The following SPOCK3 variants were observed in gnomAD, a reference collection of about 807,000 sequenced individuals.
SPOCK3 encodes testican-3.
SPOCK3 carries 30 observed loss-of-function variants against 56.6 expected under a neutral mutation model. The ratio of observed to expected loss-of-function variants is 0.53; its 90% CI spans 0.40 to 0.72. The LOEUF (loss-of-function observed/expected upper bound fraction) is 0.72. Among genes scored for constraint, SPOCK3 ranks in the 30% least tolerant of loss-of-function variants. The pLI, the probability that SPOCK3 is intolerant of heterozygous loss-of-function variation, is 0.00. For synonymous variants in SPOCK3, 196 were observed against 183.3 expected (o/e 1.07, Z -0.56); for missense variants, 527 against 530.0 (o/e 0.99, Z 0.06).
intron 7 of SPOCK3, among the ~76,000 whole-genome samples, chr4:166,763,757 A>T (rs1013015595): frequency 4.6e-5 from 7 of 152,140 alleles, no homozygotes; most frequent in Non-Finnish European, 8.8e-5. Flanking sequence ...GATATATACT[A>T]TAAACCCTAG....
At chr4:167,230,984 C>G (rs1189387839) in intron 2 of SPOCK3, among the ~76,000 whole-genome samples, 1 of 152,020 alleles carries the variant, frequency 6.6e-6, no homozygotes, top group African/African-American at 2.4e-5. Flanking sequence ...TCTTTGCTTT[C>G]ATTGCTTCTT....
chr4:167,084,308 G>A (rs1241570775), intron 2 of SPOCK3, among the ~76,000 whole-genome samples: 1 of 151,912 alleles, frequency 6.6e-6, no homozygotes, highest in Admixed American at 6.6e-5. Context: ...TAATAACATT[G>A]GTTCTACCAT....
chr4:166,892,803 G>A (rs1402767048), intron 5 of SPOCK3, among the ~76,000 whole-genome samples: 1 of 151,998 alleles, frequency 6.6e-6, no homozygotes, highest in Non-Finnish European at 1.5e-5. Context: ...ACTAGTCACG[G>A]AAAGTTATTT....
At chr4:166,933,291 C>T (rs748657794) in intron 4 of SPOCK3, among the ~76,000 whole-genome samples, 12 of 152,106 alleles carry the variant, frequency 7.9e-5, no homozygotes, top group Admixed American at 2.6e-4. Context: ...AAACTTTTAA[C>T]GGCTTCCTTT....
At chr4:167,124,808 T>C (rs927424758) in intron 2 of SPOCK3, among the ~76,000 whole-genome samples, 1 of 152,166 alleles carries the variant, frequency 6.6e-6, no homozygotes, top group Non-Finnish European at 1.5e-5. Flanking sequence ...AAATATACGG[T>C]CCCTTTATCA....
intron 6 of SPOCK3, among the ~76,000 whole-genome samples, chr4:166,823,933 T>C (rs1225757540): frequency 6.6e-6 from 1 of 152,064 alleles, no homozygotes; most frequent in African/African-American, 2.4e-5. Context: ...GCATAATCTA[T>C]CAAACCTCAC....
chr4:166,815,996 G>T (rs1013596957), intron 6 of SPOCK3, among the ~76,000 whole-genome samples: 1 of 151,974 alleles, frequency 6.6e-6, no homozygotes, highest in African/African-American at 2.4e-5. Flanking sequence ...CTATGCTACT[G>T]CATTCTTATA....
chr4:166,877,074 A>G (rs1408490668), intron 6 of SPOCK3, among the ~76,000 whole-genome samples: 1 of 152,184 alleles, frequency 6.6e-6, no homozygotes, highest in African/African-American at 2.4e-5. Context: ...AAAGAATGAA[A>G]TACCATAGTG....
chr4:166,829,809 G>A (rs1745849288), intron 6 of SPOCK3, among the ~76,000 whole-genome samples: 4 of 151,936 alleles, frequency 2.6e-5, no homozygotes, highest in African/African-American at 9.7e-5. Flanking sequence ...TACACCAGGA[G>A]TTGTCTAATA....
At chr4:167,120,434 C>T (rs1361104011) in intron 2 of SPOCK3, among the ~76,000 whole-genome samples, 2 of 151,908 alleles carry the variant, frequency 1.3e-5, no homozygotes, top group Non-Finnish European at 1.5e-5. Flanking sequence ...ATGTTAAAGA[C>T]CATTCATGTA....
At chr4:167,025,220 G>A (rs1033734516) in intron 3 of SPOCK3, among the ~76,000 whole-genome samples, 1 of 135,600 alleles carries the variant, frequency 7.4e-6, no homozygotes, top group African/African-American at 2.9e-5. Context: ...GCCACTGAAT[G>A]CTTTTTTTTT....
intron 3 of SPOCK3, among the ~76,000 whole-genome samples, chr4:167,021,869 T>C (rs1029272214): frequency 6.6e-6 from 1 of 151,898 alleles, no homozygotes; most frequent in African/African-American, 2.4e-5. Flanking sequence ...TAATAGAAAA[T>C]GTACATTTTA....
chr4:167,048,195 CAAA>C (rs2150214575), intron 3 of SPOCK3, among the ~76,000 whole-genome samples: 1 of 151,078 alleles, frequency 6.6e-6, no homozygotes, highest in African/African-American at 2.4e-5. Flanking sequence ...ATTATATTGT[CAAA>C]AAAGATCTAG....
intron 6 of SPOCK3, among the ~76,000 whole-genome samples, chr4:166,840,771 G>GTTTTTTTT (rs70955697): frequency 0.051 from 3,445 of 68,164 alleles, 482 homozygotes; most frequent in Non-Finnish European, 0.071. Flanking sequence ...AGAAGCAAAA[G>GTTTTTTTT]TTTTTTTTTT....
At chr4:166,917,515 G>T (rs1200235325) in intron 4 of SPOCK3, among the ~76,000 whole-genome samples, 2 of 152,084 alleles carry the variant, frequency 1.3e-5, no homozygotes, top group Non-Finnish European at 2.9e-5. Context: ...CTCCACTGGA[G>T]TAAATGTATG....
At chr4:166,840,581 C>CAAATAAAATA (rs932401979) in intron 6 of SPOCK3, among the ~76,000 whole-genome samples, 4 of 151,846 alleles carry the variant, frequency 2.6e-5, no homozygotes, top group African/African-American at 7.3e-5. Flanking sequence ...TTATACAATG[C>CAAATAAAATA]AAATAAAATA....
intron 4 of SPOCK3, among the ~76,000 whole-genome samples, chr4:166,951,505 A>C (rs1742619817): frequency 7.1e-6 from 1 of 141,830 alleles, no homozygotes; most frequent in African/African-American, 2.9e-5. Context: ...CCAGAGGTAC[A>C]AAGAGGAACT....
intron 7 of SPOCK3, among the ~76,000 whole-genome samples, chr4:166,782,857 G>A (rs1253545047): frequency 6.6e-6 from 1 of 151,998 alleles, no homozygotes; most frequent in Non-Finnish European, 1.5e-5. Context: ...ATTTTTGTGA[G>A]AAAGACTTTC....
intron 2 of SPOCK3, among the ~76,000 whole-genome samples, chr4:167,170,260 C>G (rs1351546190): frequency 6.6e-6 from 1 of 152,088 alleles, no homozygotes; most frequent in Admixed American, 6.6e-5. Context: ...ATATAAAATG[C>G]TAGAAGAAAA....
Sources: gnomAD v4.1 joint callset for allele counts (sites outside exome capture counted in the v4.1 genomes callset) on GRCh38, gnomAD v4.1.1 for gene constraint, MANE v1.5 for transcripts, NCBI Gene and HGNC (gene_info 2026-07-23, HGNC 2026-07-21) for gene names.